The following IPMK variants were observed in gnomAD, a reference collection of about 807,000 sequenced individuals.
The protein encoded by IPMK is inositol 1,3,4,6-tetrakisphosphate 5-kinase.
In IPMK, 17 loss-of-function variants were observed where a neutral mutation model predicts 45.8. The observed-to-expected ratio is 0.37, with a 90% CI of 0.25 to 0.56. IPMK has a LOEUF of 0.56. IPMK is among the 20% of genes least tolerant of loss of function. The pLI is 0.79. For synonymous variants in IPMK, 180 were observed against 184.3 expected, an observed-to-expected ratio of 0.98 and a Z score of 0.19; for missense variants, 399 against 498.0, an observed-to-expected ratio of 0.80 and a Z score of 1.89.
At chr10:58,205,266 C>T (rs1363228617) in intron 4 of IPMK, among the ~76,000 whole-genome samples, 2 of 144,442 alleles carry the variant, frequency 1.4e-5, no homozygotes, top group Non-Finnish European at 3.0e-5. Flanking sequence ...CAAATACTAT[C>T]AAGTAAGAAA....
chr10:58,227,813 G>A (rs559382046), intron 2 of IPMK, among the ~76,000 whole-genome samples: 1 of 151,842 alleles, frequency 6.6e-6, no homozygotes, highest in East Asian at 1.9e-4. Context: ...CTAGAAGACA[G>A]AATATTTTTT....
intron 1 of IPMK, among the ~76,000 whole-genome samples, chr10:58,251,910 G>A (rs1838885712): frequency 6.6e-6 from 1 of 152,152 alleles, no homozygotes; most frequent in African/African-American, 2.4e-5. Context: ...GCATATAGTT[G>A]GGTCTTGTTT....
rs746340310 is a variant in IPMK at position 58,196,324 on chromosome 10, A to G, written c.1003T>C (p.Leu335=). The change falls in exon 6 of 6, where the codon TTG becomes CTG. Residue 335 remains leucine (L), a synonymous_variant. Coordinates refer to ENST00000373935, the MANE Select transcript of IPMK (RefSeq NM_152230.5). ...TCTTGCTCCAGATTTTCAACTTTCA[A>G]TGAAGTCTGACTGTGATGCTTTTTT... ...YTKKHHSQTS[L]KVENLEQDNG... is the part of the protein sequence containing the mutation. 1 of 1,614,158 alleles carries G rather than the reference A, an allele frequency of 6.2e-7. No homozygotes were observed. Among genetic ancestry groups the G allele is most frequent in the Non-Finnish European group, 8.5e-7 (1 of 1,180,026 alleles).
At chr10:58,197,670 G>GA (rs10617632) in intron 5 of IPMK, among the ~76,000 whole-genome samples, 92 of 129,960 alleles carry the variant, frequency 7.1e-4, no homozygotes, top group South Asian at 1.5e-3. Flanking sequence ...GAAAAGAAAA[G>GA]AAAAAAAAAA....
At chr10:58,254,450 A>C (rs1838933533) in intron 1 of IPMK, among the ~76,000 whole-genome samples, 1 of 151,914 alleles carries the variant, frequency 6.6e-6, no homozygotes, top group Non-Finnish European at 1.5e-5. Flanking sequence ...TCCAAATTTC[A>C]TTTAGATTTC....
intron 2 of IPMK, among the ~76,000 whole-genome samples, chr10:58,236,065 A>G (rs1588964357): frequency 6.6e-6 from 1 of 151,492 alleles, no homozygotes; most frequent in African/African-American, 2.4e-5. Flanking sequence ...AGTAGCTGGG[A>G]TTACAGATAC....
intron 1 of IPMK, among the ~76,000 whole-genome samples, chr10:58,243,867 C>T (rs1252609837): frequency 6.6e-6 from 1 of 151,634 alleles, no homozygotes; most frequent in Non-Finnish European, 1.5e-5. Context: ...CCCGGCCGCC[C>T]CATCTGGGAA....
intron 2 of IPMK, among the ~76,000 whole-genome samples, chr10:58,237,027 C>A (rs1838623999): frequency 1.3e-5 from 2 of 152,162 alleles, no homozygotes; most frequent in South Asian, 4.1e-4. Context: ...AATGAATCAA[C>A]ATCATGCCAC....
intron 1 of IPMK, among the ~76,000 whole-genome samples, chr10:58,251,385 T>C (rs1488679447): frequency 6.6e-6 from 1 of 152,146 alleles, no homozygotes; most frequent in Non-Finnish European, 1.5e-5. Flanking sequence ...TTGTTAAGAC[T>C]TGCTTTGGGA....
intron 3 of IPMK, among the ~76,000 whole-genome samples, chr10:58,220,623 A>G (rs1025741502): frequency 1.4e-5 from 2 of 145,460 alleles, no homozygotes; most frequent in Non-Finnish European, 1.5e-5. Flanking sequence ...TAAAGCACTT[A>G]GCATAGTGTC....
At chr10:58,252,934 C>T (rs889232969) in intron 1 of IPMK, among the ~76,000 whole-genome samples, 5 of 152,106 alleles carry the variant, frequency 3.3e-5, no homozygotes, top group African/African-American at 1.2e-4. Flanking sequence ...TTTTTAACTT[C>T]AGATGTTTTC....
intron 3 of IPMK, among the ~76,000 whole-genome samples, chr10:58,221,397 C>T (rs1327897934): frequency 6.6e-6 from 1 of 151,320 alleles, no homozygotes; most frequent in Non-Finnish European, 1.5e-5. Flanking sequence ...GAAAAAGCTA[C>T]AGATTAGTCA....
At chr10:58,243,825 G>A (rs181961677) in intron 1 of IPMK, among the ~76,000 whole-genome samples, 4,083 of 152,172 alleles carry the variant, frequency 0.027, 76 homozygotes, top group Middle Eastern at 0.051. Flanking sequence ...CTGCCTGGCC[G>A]CCCATCGTCT....
chr10:58,202,015 T>C (rs1432924792), intron 4 of IPMK, among the ~76,000 whole-genome samples: 1 of 152,192 alleles, frequency 6.6e-6, no homozygotes, highest in African/African-American at 2.4e-5. Flanking sequence ...GAAAGAAAAG[T>C]GCAAACTAGC....
chr10:58,226,994 G>A (rs1162405453), intron 3 of IPMK, 49 bp downstream of exon 3: 2 of 1,278,696 alleles, frequency 1.6e-6, no homozygotes, highest in South Asian at 2.5e-5. Flanking sequence ...CTTTAAAGAA[G>A]CTACACTCAT....
chr10:58,209,858 C>A (rs964089876), intron 4 of IPMK, among the ~76,000 whole-genome samples: 2 of 152,170 alleles, frequency 1.3e-5, no homozygotes, highest in Non-Finnish European at 2.9e-5. Context: ...GCTGTAATGG[C>A]CTGAGTTGGT....
chr10:58,200,142 G>A (rs1458534700), intron 4 of IPMK, among the ~76,000 whole-genome samples: 5 of 151,988 alleles, frequency 3.3e-5, no homozygotes, highest in East Asian at 1.9e-4. Flanking sequence ...GGGGAGGGAC[G>A]GAGTCTCTCT....
chr10:58,211,190 G>T (rs1038003683), intron 4 of IPMK, among the ~76,000 whole-genome samples: 58 of 115,784 alleles, frequency 5.0e-4, no homozygotes, highest in Admixed American at 1.9e-3. Flanking sequence ...TGATTACCCG[G>T]TTTTTTTTTT....
chr10:58,211,016 C>T (rs1348604098), intron 4 of IPMK, among the ~76,000 whole-genome samples: 2 of 152,084 alleles, frequency 1.3e-5, no homozygotes, highest in African/African-American at 2.4e-5. Flanking sequence ...GAATAGGGAA[C>T]ATCATGATTA....
Sources: gnomAD v4.1 joint callset for allele counts (sites outside exome capture counted in the v4.1 genomes callset) on GRCh38, gnomAD v4.1.1 for gene constraint, MANE v1.5 for transcripts, NCBI Gene and HGNC (gene_info 2026-07-23, HGNC 2026-07-21) for gene names.